The following SYTL5 variants were observed in gnomAD, a reference collection of about 807,000 sequenced individuals.
SYTL5 encodes the protein synaptotagmin-like protein 5.
In SYTL5, 34 loss-of-function variants were observed where a neutral mutation model predicts 55.9. The ratio of observed to expected loss-of-function variants is 0.61; its 90% CI spans 0.46 to 0.81. SYTL5 has a LOEUF of 0.81. Ranked by LOEUF, SYTL5 falls within the 30% of genes least tolerant of loss-of-function variation. The pLI is 0.00. For missense variants in SYTL5, 637 were observed against 546.7 expected, an observed-to-expected ratio of 1.17 and a Z score of -1.65; for synonymous variants, 221 against 188.7, an observed-to-expected ratio of 1.17 and a Z score of -1.40.
At chrX:38,025,534 G>C (rs5964282) in intron 1 of SYTL5, among the ~76,000 whole-genome samples, 25,878 of 111,318 alleles carry the variant, frequency 0.23, 5,330 homozygotes, top group African/African-American at 0.66. Context: ...GACATACAAA[G>C]CATCTTGCCA....
chrX:38,052,968 T>C (rs147978969), intron 2 of SYTL5, among the ~76,000 whole-genome samples: 3,815 of 112,070 alleles, frequency 0.034, 67 homozygotes, highest in Middle Eastern at 0.064. Flanking sequence ...CTTTTAAAAA[T>C]CCCGTTACCT....
chrX:38,082,448 T>C (rs1366071190), intron 6 of SYTL5, among the ~76,000 whole-genome samples: 2 of 112,157 alleles, frequency 1.8e-5, no homozygotes, highest in East Asian at 2.8e-4. Context: ...TGCATTCTAT[T>C]CATACAAATG....
At chrX:38,095,491 C>T (rs916089299) in intron 8 of SYTL5, among the ~76,000 whole-genome samples, 3 of 111,746 alleles carry the variant, frequency 2.7e-5, no homozygotes, top group African/African-American at 9.7e-5. Flanking sequence ...AATAAGCTGT[C>T]CTGACTTGGT....
At chrX:38,085,909 A>C (rs1381193246) in intron 6 of SYTL5, among the ~76,000 whole-genome samples, 1 of 111,121 alleles carries the variant, frequency 9.0e-6, no homozygotes, top group African/African-American at 3.3e-5. Context: ...ATTTTGGAGC[A>C]ACATGGTGCT....
chrX:37,972,299 G>A, the SYTL5 span, among the ~76,000 whole-genome samples: 1 of 111,583 alleles, frequency 9.0e-6, no homozygotes, highest in African/African-American at 3.3e-5. Flanking sequence ...AAAAGCAATA[G>A]AGAATTCCCT....
At chrX:38,035,504 T>G (rs1327075705) in intron 2 of SYTL5, among the ~76,000 whole-genome samples, 2 of 105,786 alleles carry the variant, frequency 1.9e-5, no homozygotes, top group African/African-American at 7.0e-5. Flanking sequence ...GGCGGGAGAA[T>G]GGCATGAACC....
chrX:38,065,772 C>A lies in SYTL5; in HGVS notation c.330-6275C>A, dbSNP rs964990117. On this transcript the variant is annotated intron_variant, in intron 3 of 16. Coordinates refer to ENST00000297875, the MANE Select transcript of SYTL5 (RefSeq NM_138780.3). ...TCACCTCTGTATTCTTAGCCTTAGC[C>A]CGGGGCATGACACATAGTAGAAATG... Among the ~76,000 whole-genome samples the A allele has an allele frequency of 8.1e-5, 9 of 111,509 alleles. No individual in the cohort carries two copies. The Admixed American group carries it at 8.6e-4, about 11-fold the overall frequency.
intron 16 of SYTL5, 55 bp downstream of exon 16, chrX:38,125,561 G>A (rs947429502): frequency 2.9e-5 from 28 of 973,436 alleles, no homozygotes; most frequent in South Asian, 6.2e-5. Flanking sequence ...AGGTGGGGGC[G>A]CTATTCTTGC....
intron 3 of SYTL5, among the ~76,000 whole-genome samples, chrX:38,064,430 T>G (rs1009987829): frequency 9.0e-6 from 1 of 111,602 alleles, no homozygotes; most frequent in Non-Finnish European, 1.9e-5. Flanking sequence ...TTTTACTGCT[T>G]AAGTATGAGG....
the SYTL5 span, among the ~76,000 whole-genome samples, chrX:37,996,748 G>A: frequency 8.1e-5 from 9 of 111,759 alleles, no homozygotes; most frequent in South Asian, 2.0e-3. Flanking sequence ...GAAGGCCCAG[G>A]TCTCCTGTTC....
the SYTL5 span, among the ~76,000 whole-genome samples, chrX:37,901,831 T>C: frequency 1.8e-5 from 2 of 111,626 alleles, no homozygotes; most frequent in African/African-American, 6.5e-5. Flanking sequence ...GATAAGTGTC[T>C]GGAGTTCAGG....
the SYTL5 span, among the ~76,000 whole-genome samples, chrX:37,972,097 C>A: frequency 9.1e-6 from 1 of 110,057 alleles, no homozygotes; most frequent in Non-Finnish European, 1.9e-5. Flanking sequence ...CGCTGCACAT[C>A]TCGGGGAGTC....
the SYTL5 span, among the ~76,000 whole-genome samples, chrX:37,998,537 TGCA>T: frequency 8.9e-6 from 1 of 112,006 alleles, no homozygotes; most frequent in African/African-American, 3.3e-5. Context: ...CCTGCCCTGT[TGCA>T]GCAGCTGGCA....
intron 9 of SYTL5, among the ~76,000 whole-genome samples, chrX:38,101,824 CAA>C (rs74314259): frequency 0.072 from 4,865 of 67,519 alleles, 115 homozygotes; most frequent in Middle Eastern, 0.13. Flanking sequence ...AATAACTAGG[CAA>C]AAAAAAAAAA....
intron 1 of SYTL5, among the ~76,000 whole-genome samples, chrX:38,012,516 G>C (rs946019428): frequency 9.0e-6 from 1 of 111,577 alleles, no homozygotes; most frequent in African/African-American, 3.3e-5. Flanking sequence ...GATGTTCCAG[G>C]TTCAAATATA....
At chrX:37,920,936 T>C in the SYTL5 span, among the ~76,000 whole-genome samples, 1 of 111,559 alleles carries the variant, frequency 9.0e-6, no homozygotes, top group African/African-American at 3.3e-5. Context: ...TTCTTATTCT[T>C]AAAAGGGTCA....
At position 38,110,369 on chromosome X, in the gene SYTL5, G is replaced by A. The variant is rs199602012; in HGVS notation, c.1483G>A (p.Val495Ile). 14 of 1,207,361 alleles carry A rather than the reference G, an allele frequency of 1.2e-5. No homozygotes were observed. In the East Asian group the frequency reaches 4.2e-4, roughly 36 times the overall value. ...GGAAACAAGAACTCTGCAGCTCTCA[G>A]TCTGGCACTATGATCGATTTGGACG... is the stretch of plus-strand genomic sequence containing the variant. ...QLETRTLQLS[V>I]WHYDRFGRNS... The change falls in exon 13 of 17, where the codon GTC becomes ATC. Residue 495 changes from valine to isoleucine, a missense_variant. Physicochemically the swap from Val to Ile is conservative, Grantham distance 29. Transcript: ENST00000297875.
intron 2 of SYTL5, among the ~76,000 whole-genome samples, chrX:38,041,753 C>T (rs73632437): frequency 0.062 from 6,982 of 112,119 alleles, 191 homozygotes; most frequent in Middle Eastern, 0.12. Flanking sequence ...GCCACAAATA[C>T]CTGATATTCA....
At chrX:38,039,612 CTTA>C (rs1935220234) in intron 2 of SYTL5, among the ~76,000 whole-genome samples, 1 of 111,842 alleles carries the variant, frequency 8.9e-6, no homozygotes, top group Non-Finnish European at 1.9e-5. Context: ...AAATCCTCAA[CTTA>C]TTAGTGAATA....
Sources: gnomAD v4.1 joint callset for allele counts (sites outside exome capture counted in the v4.1 genomes callset) on GRCh38, gnomAD v4.1.1 for gene constraint, MANE v1.5 for transcripts, NCBI Gene and HGNC (gene_info 2026-07-23, HGNC 2026-07-21) for gene names.